The following NTM variants were observed in gnomAD, a reference collection of about 807,000 sequenced individuals.
NTM encodes the protein neurotrimin, also known as IgLON family member 2.
NTM carries 13 observed loss-of-function variants against 42.1 expected under a neutral mutation model. The observed-to-expected ratio is 0.31, with a 90% confidence interval of 0.20 to 0.49. The LOEUF is 0.49. NTM is among the 20% of genes least tolerant of loss of function. NTM has a pLI of 0.99. For missense variants in NTM, 373 were observed against 452.8 expected (o/e 0.82, Z 1.60); for synonymous variants, 187 against 179.2 (o/e 1.04, Z -0.35).
chr11:131,747,866 G>A lies in NTM; in HGVS notation c.83-163698G>A, dbSNP rs143910298. On this transcript the variant is annotated intron_variant, in intron 1 of 8. Coordinates refer to ENST00000683400, the MANE Select transcript of NTM (RefSeq NM_001352005.2). ...TGTTCCTTAGCTTGACAAGCTCCTC[G>A]TTATCCTGTGATCCCAGGAATGTCT... 8.0e-3 allele frequency among the ~76,000 whole-genome samples: 1,214 copies of A among 152,118 alleles called. 10 individuals carry two copies. Among genetic ancestry groups the A allele is most frequent in the Non-Finnish European group, 0.012 (804 of 68,004 alleles).
intron 4 of NTM, among the ~76,000 whole-genome samples, chr11:132,238,176 G>A (rs1283481013): frequency 6.6e-6 from 1 of 152,066 alleles, no homozygotes; most frequent in African/African-American, 2.4e-5. Context: ...CCCTTAATCG[G>A]CGAGGATGGG....
chr11:131,505,382 G>C (rs893741182), intron 1 of NTM, among the ~76,000 whole-genome samples: 17 of 152,092 alleles, frequency 1.1e-4, no homozygotes, highest in Non-Finnish European at 7.4e-5. Flanking sequence ...TCAAAGTATG[G>C]TTCCCCAAAC....
chr11:132,155,943 C>T (rs1283656820), intron 3 of NTM, among the ~76,000 whole-genome samples: 1 of 152,124 alleles, frequency 6.6e-6, no homozygotes, highest in Non-Finnish European at 1.5e-5. Flanking sequence ...AGTCCCTGGG[C>T]TGAGAGCGAT....
chr11:131,503,639 C>T (rs145155659), intron 1 of NTM, among the ~76,000 whole-genome samples: 93 of 152,096 alleles, frequency 6.1e-4, no homozygotes, highest in African/African-American at 2.2e-3. Context: ...TTTCCCACCT[C>T]AGCCTCCCAA....
chr11:131,448,977 G>C (rs1950273542), intron 1 of NTM, among the ~76,000 whole-genome samples: 1 of 152,216 alleles, frequency 6.6e-6, no homozygotes, highest in South Asian at 2.1e-4. Context: ...AACCCTCTAG[G>C]AGACAGCAGC....
intron 1 of NTM, among the ~76,000 whole-genome samples, chr11:131,790,161 A>G (rs959702017): frequency 6.6e-6 from 1 of 152,134 alleles, no homozygotes; most frequent in African/African-American, 2.4e-5. Context: ...ATATGCAAAT[A>G]AAAATTATTT....
intron 2 of NTM, among the ~76,000 whole-genome samples, chr11:132,012,347 T>C (rs1688317335): frequency 6.6e-6 from 1 of 152,214 alleles, no homozygotes; most frequent in Non-Finnish European, 1.5e-5. Flanking sequence ...CAAGTAGCTG[T>C]CTTGTCATTC....
intron 2 of NTM, among the ~76,000 whole-genome samples, chr11:131,973,756 G>A (rs1002004509): frequency 6.6e-6 from 1 of 152,214 alleles, no homozygotes; most frequent in Non-Finnish European, 1.5e-5. Flanking sequence ...GGCAGAGGTT[G>A]CAGTGAGCCG....
In NTM at chr11:132,217,816, G is replaced by A. The variant is rs3133892; in HGVS notation, c.526+5669G>A. Among the ~76,000 whole-genome samples, 1,260 of 147,622 alleles carry A rather than the reference G, an allele frequency of 8.5e-3. 11 individuals are homozygous for A. The highest frequency in any genetic ancestry group is 0.031 in the African/African-American group (1,190 of 38,658). On this transcript the variant is annotated intron_variant, in intron 4 of 8. Transcript: ENST00000683400. ...AATTGATGGAGGCAAAGTGACACCC[G>A]GATAAGAGTTCTCCTGGCCAATGCC...
chr11:132,083,114 G>T (rs2059290378), intron 2 of NTM, among the ~76,000 whole-genome samples: 1 of 152,188 alleles, frequency 6.6e-6, no homozygotes, highest in South Asian at 2.1e-4. Context: ...TATTGATTCA[G>T]ATTTTTATAT....
At chr11:131,683,415 T>C (rs559144711) in intron 1 of NTM, among the ~76,000 whole-genome samples, 1 of 152,276 alleles carries the variant, frequency 6.6e-6, no homozygotes, top group East Asian at 1.9e-4. Context: ...CTAAGTCCCC[T>C]CTTGGGAAAT....
chr11:131,945,076 C>T (rs2060203223), intron 2 of NTM, among the ~76,000 whole-genome samples: 1 of 152,190 alleles, frequency 6.6e-6, no homozygotes. Context: ...TTTCCCCTTT[C>T]ACCAAGCACA....
intron 5 of NTM, 146 bp from the exon 6 acceptor site, chr11:132,309,966 G>A: frequency 1.4e-5 from 13 of 923,068 alleles, no homozygotes; most frequent in Non-Finnish European, 2.0e-5. Flanking sequence ...TGATGCAGGA[G>A]AATTGCTTGA....
Position 132,311,935 on chromosome 11 carries a change from A to C in NTM, c.782+1703A>C, listed in dbSNP as rs1591927372. Among the ~76,000 whole-genome samples, 4 of 151,624 alleles carry C rather than the reference A, an allele frequency of 2.6e-5. No homozygotes were observed. In the South Asian group the frequency reaches 8.4e-4, roughly 32 times the overall value. ...AGAGAGCAGGCTGGCAGGGCCAGGGACAGTCTTCAGAGGCCCCTGGCTCAG... is the reference window on the plus strand; with the variant it reads ...AGAGAGCAGGCTGGCAGGGCCAGGGCCAGTCTTCAGAGGCCCCTGGCTCAG... On this transcript the variant is annotated intron_variant, in intron 6 of 8. Coordinates refer to ENST00000683400, the MANE Select transcript of NTM (RefSeq NM_001352005.2).
chr11:132,326,737 T>C (rs2095690865), intron 7 of NTM, among the ~76,000 whole-genome samples: 1 of 152,196 alleles, frequency 6.6e-6, no homozygotes, highest in African/African-American at 2.4e-5. Context: ...CAATGAGAAA[T>C]TATTTAGAGA....
intron 1 of NTM, among the ~76,000 whole-genome samples, chr11:131,686,069 C>A (rs1052902950): frequency 1.3e-4 from 20 of 152,256 alleles, no homozygotes; most frequent in African/African-American, 4.6e-4. Context: ...TGATGAGGGT[C>A]CCCTCCCCAG....
intron 3 of NTM, among the ~76,000 whole-genome samples, chr11:132,163,267 G>C (rs1393808193): frequency 6.6e-6 from 1 of 152,148 alleles, no homozygotes; most frequent in Non-Finnish European, 1.5e-5. Context: ...CTCCAGGCTG[G>C]GGTCCTTTCC....
At chr11:132,262,033 G>A (rs1020149856) in intron 4 of NTM, among the ~76,000 whole-genome samples, 3 of 152,210 alleles carry the variant, frequency 2.0e-5, no homozygotes, top group Non-Finnish European at 2.9e-5. Flanking sequence ...CCAGCCAAGT[G>A]CAATGAGCAT....
chr11:131,903,222 C>T (rs955299121), intron 1 of NTM, among the ~76,000 whole-genome samples: 2 of 152,144 alleles, frequency 1.3e-5, no homozygotes, highest in Admixed American at 6.5e-5. Flanking sequence ...CCCGGATATT[C>T]CAATAGTCTA....
Sources: allele counts gnomAD v4.1 joint callset (sites outside exome capture counted in the v4.1 genomes callset), GRCh38; gene constraint gnomAD v4.1.1; transcripts MANE v1.5; gene names NCBI Gene and HGNC (gene_info 2026-07-23, HGNC 2026-07-21).